Variants in EPB41L2 observed in about 807,000 individuals in gnomAD.
EPB41L2 encodes erythrocyte membrane protein band 4.1 like 2, also known as band 4.1-like protein 2.
In EPB41L2, 43 loss-of-function variants were observed where a neutral mutation model predicts 113.0. The observed-to-expected ratio is 0.38, with a 90% CI of 0.30 to 0.49. The LOEUF is 0.49. EPB41L2 is among the 20% of genes least tolerant of loss of function. The pLI is 0.95. For synonymous variants in EPB41L2, 442 were observed against 436.7 expected (o/e 1.01, Z -0.15); for missense variants, 1,147 against 1,223.4 (o/e 0.94, Z 0.93).
chr6:131,003,075 A>G (rs982108450), intron 1 of EPB41L2, among the ~76,000 whole-genome samples: 1 of 152,312 alleles, frequency 6.6e-6, no homozygotes, highest in Admixed American at 6.5e-5. Flanking sequence ...AATCAGTAAA[A>G]TTAAAGCAGG....
At chr6:131,026,310 C>T (rs1426182315) in intron 1 of EPB41L2, among the ~76,000 whole-genome samples, 1 of 152,166 alleles carries the variant, frequency 6.6e-6, no homozygotes, top group Non-Finnish European at 1.5e-5. Flanking sequence ...CATAATACAC[C>T]ATCTGACAAT....
intron 1 of EPB41L2, among the ~76,000 whole-genome samples, chr6:131,016,981 A>G (rs1788389372): frequency 6.6e-6 from 1 of 152,186 alleles, no homozygotes; most frequent in South Asian, 2.1e-4. Context: ...TTTGCACATG[A>G]CTTTTTCAGC....
chr6:131,017,812 G>A (rs1278262989), intron 1 of EPB41L2, among the ~76,000 whole-genome samples: 2 of 151,968 alleles, frequency 1.3e-5, no homozygotes, highest in African/African-American at 4.8e-5. Flanking sequence ...CCCAACACTG[G>A]TATTTTTATA....
intron 17 of EPB41L2, among the ~76,000 whole-genome samples, chr6:130,865,117 T>C (rs1363753962): frequency 9.2e-5 from 14 of 152,216 alleles, no homozygotes; most frequent in Admixed American, 9.2e-4. Context: ...CCCAAATCAG[T>C]ATACTAGCGA....
intron 16 of EPB41L2, 98 bp from the exon 17 acceptor site, chr6:130,865,732 C>G: frequency 3.9e-6 from 5 of 1,273,988 alleles, no homozygotes; most frequent in Non-Finnish European, 5.6e-6. Context: ...TTTTAAAATC[C>G]ATGTGGTTTG....
chr6:130,926,028 C>T (rs1467988035), intron 4 of EPB41L2, among the ~76,000 whole-genome samples: 1 of 152,182 alleles, frequency 6.6e-6, no homozygotes, highest in African/African-American at 2.4e-5. Context: ...AAAATTCACA[C>T]TTCTGTTCTT....
chr6:130,917,371 T>G (rs529640625), intron 4 of EPB41L2, among the ~76,000 whole-genome samples: 2 of 152,306 alleles, frequency 1.3e-5, no homozygotes, highest in African/African-American at 4.8e-5. Flanking sequence ...TTAGCAAGAA[T>G]CCTGTTAATA....
intron 1 of EPB41L2, among the ~76,000 whole-genome samples, chr6:131,003,244 G>A (rs1311885929): frequency 1.3e-5 from 2 of 152,084 alleles, no homozygotes; most frequent in African/African-American, 4.8e-5. Context: ...ACAAAAATAT[G>A]TGTTTACTTA....
intron 10 of EPB41L2, among the ~76,000 whole-genome samples, chr6:130,892,279 T>C (rs1030058012): frequency 6.6e-6 from 1 of 150,470 alleles, no homozygotes; most frequent in Non-Finnish European, 1.5e-5. Context: ...GGCACCGATC[T>C]CTAAGCATCA....
chr6:130,917,487 C>A (rs1025135076), intron 4 of EPB41L2, among the ~76,000 whole-genome samples: 12 of 152,160 alleles, frequency 7.9e-5, no homozygotes, highest in Non-Finnish European at 1.8e-4. Flanking sequence ...ATCACCCTCA[C>A]CTGCCTTCAA....
intron 1 of EPB41L2, among the ~76,000 whole-genome samples, chr6:130,988,439 C>T (rs1190193193): frequency 6.6e-6 from 1 of 152,238 alleles, no homozygotes; most frequent in South Asian, 2.1e-4. Flanking sequence ...CTATCATTTG[C>T]TACTAGTATT....
intron 1 of EPB41L2, among the ~76,000 whole-genome samples, chr6:131,014,503 G>T (rs897848062): frequency 6.6e-6 from 1 of 152,154 alleles, no homozygotes; most frequent in African/African-American, 2.4e-5. Flanking sequence ...CCTGTCCTGG[G>T]AGAGTTGAAT....
chr6:130,948,053 C>T (rs1196623801), intron 3 of EPB41L2, among the ~76,000 whole-genome samples: 1 of 152,184 alleles, frequency 6.6e-6, no homozygotes, highest in Non-Finnish European at 1.5e-5. Context: ...GAAAGGATTA[C>T]TCAACACAAA....
intron 17 of EPB41L2, among the ~76,000 whole-genome samples, chr6:130,865,019 G>A (rs1166876600): frequency 2.0e-5 from 3 of 152,174 alleles, no homozygotes; most frequent in Admixed American, 6.5e-5. Context: ...ACAATGCCCC[G>A]GGTGAAGCTG....
At chr6:130,987,588 G>C (rs1780862983) in intron 1 of EPB41L2, among the ~76,000 whole-genome samples, 1 of 152,058 alleles carries the variant, frequency 6.6e-6, no homozygotes, top group African/African-American at 2.4e-5. Flanking sequence ...AGCTACTCCG[G>C]AGGCTGAGGC....
intron 12 of EPB41L2, among the ~76,000 whole-genome samples, chr6:130,883,510 CCAGTG>C (rs1789948179): frequency 2.0e-5 from 3 of 152,156 alleles, no homozygotes; most frequent in Admixed American, 6.5e-5. Flanking sequence ...AGCAAAAATG[CCAGTG>C]TACCCAGTTG....
At chr6:131,035,999 C>G (rs984932260) in intron 1 of EPB41L2, among the ~76,000 whole-genome samples, 3 of 152,110 alleles carry the variant, frequency 2.0e-5, no homozygotes, top group Admixed American at 1.3e-4. Flanking sequence ...GAAAAGTGAA[C>G]AGAGAGACAT....
At chr6:130,961,108 T>C (rs1176727304) in intron 1 of EPB41L2, among the ~76,000 whole-genome samples, 1 of 152,216 alleles carries the variant, frequency 6.6e-6, no homozygotes, top group Non-Finnish European at 1.5e-5. Flanking sequence ...AACTAAGGTT[T>C]CCCAAACTCT....
intron 3 of EPB41L2, among the ~76,000 whole-genome samples, chr6:130,953,764 C>CTGCCT (rs1816139964): frequency 6.6e-6 from 1 of 151,864 alleles, no homozygotes; most frequent in African/African-American, 2.4e-5. Flanking sequence ...TTGAAGGGAG[C>CTGCCT]TGCCTTGTCC....
Sources: gnomAD v4.1 joint callset for allele counts (sites outside exome capture counted in the v4.1 genomes callset) on GRCh38, gnomAD v4.1.1 for gene constraint, MANE v1.5 for transcripts, NCBI Gene and HGNC (gene_info 2026-07-23, HGNC 2026-07-21) for gene names.